XKR9: variants seen among roughly 807,000 people sequenced by gnomAD.
The protein encoded by XKR9 is XK related 9, also known as XK-related protein 9.
A neutral mutation model predicts 32.0 loss-of-function variants in XKR9; 32 were observed. That is an observed-to-expected ratio of 1.00 (90% CI 0.76 to 1.34). The LOEUF is 1.34. Among genes scored for constraint, XKR9 ranks in the 40% most tolerant of loss-of-function variants. The pLI, the probability that XKR9 is intolerant of heterozygous loss-of-function variation, is 0.00. For missense variants in XKR9, 546 were observed against 429.7 expected, an observed-to-expected ratio of 1.27 and a Z score of -2.39; for synonymous variants, 168 against 143.4, an observed-to-expected ratio of 1.17 and a Z score of -1.22.
chr8:70,974,337 C>T, the XKR9 span, among the ~76,000 whole-genome samples: 1 of 151,876 alleles, frequency 6.6e-6, no homozygotes, highest in Admixed American at 6.6e-5. Context: ...TGGTTTGCTG[C>T]ACCCATTAAC....
At chr8:70,751,168 G>A (rs573124337) in intron 2 of XKR9, among the ~76,000 whole-genome samples, 22 of 152,222 alleles carry the variant, frequency 1.4e-4, no homozygotes, top group South Asian at 1.0e-3. Context: ...TCACTCTGTC[G>A]CCCAGGCTGG....
the XKR9 span, among the ~76,000 whole-genome samples, chr8:70,816,504 C>A: frequency 1.3e-5 from 2 of 152,078 alleles, no homozygotes; most frequent in African/African-American, 4.8e-5. Context: ...TTCATCAATG[C>A]AAGATTGACT....
chr8:70,989,569 C>T, the XKR9 span, among the ~76,000 whole-genome samples: 3 of 152,274 alleles, frequency 2.0e-5, no homozygotes, highest in Non-Finnish European at 4.4e-5. Flanking sequence ...AGCTGACCCT[C>T]AGGTAGAATA....
intron 4 of XKR9, among the ~76,000 whole-genome samples, chr8:70,713,805 A>G (rs539897421): frequency 1.3e-5 from 2 of 152,306 alleles, no homozygotes; most frequent in South Asian, 4.1e-4. Context: ...AAGCAAAAAC[A>G]TTTAGAGAGA....
chr8:71,004,230 T>C, the XKR9 span, among the ~76,000 whole-genome samples: 1 of 152,096 alleles, frequency 6.6e-6, no homozygotes, highest in Non-Finnish European at 1.5e-5. Flanking sequence ...TTTTGGACAA[T>C]TTCTCTGTGA....
the XKR9 span, among the ~76,000 whole-genome samples, chr8:70,815,173 TTTTTAAC>T: frequency 1.3e-5 from 2 of 152,204 alleles, no homozygotes; most frequent in African/African-American, 4.8e-5. Flanking sequence ...ATTTTTAATT[TTTTTAAC>T]TTTTAAGTTC....
chr8:71,040,633 T>C, the XKR9 span, among the ~76,000 whole-genome samples: 1 of 152,242 alleles, frequency 6.6e-6, no homozygotes, highest in East Asian at 1.9e-4. Flanking sequence ...CGTGAGTTAG[T>C]GTGTTCTGTT....
At chr8:70,938,683 C>G in the XKR9 span, among the ~76,000 whole-genome samples, 1 of 152,036 alleles carries the variant, frequency 6.6e-6, no homozygotes, top group African/African-American at 2.4e-5. Context: ...TGGGATATGA[C>G]TAATTTTTCG....
At chr8:70,855,244 A>G in the XKR9 span, among the ~76,000 whole-genome samples, 2 of 152,124 alleles carry the variant, frequency 1.3e-5, no homozygotes, top group Non-Finnish European at 2.9e-5. Context: ...AAATTAGACG[A>G]ATGGTTAACT....
At chr8:70,929,190 T>G in the XKR9 span, among the ~76,000 whole-genome samples, 1 of 152,190 alleles carries the variant, frequency 6.6e-6, no homozygotes, top group East Asian at 1.9e-4. Context: ...GAACTTGTCA[T>G]GGTGATGGAA....
At chr8:70,793,384 T>G (rs1807789086), downstream of XKR9, among the ~76,000 whole-genome samples, 1 of 151,998 alleles carries the variant, frequency 6.6e-6, no homozygotes, top group Non-Finnish European at 1.5e-5. Flanking sequence ...AATGAGTTAT[T>G]TTGGGAATTG....
intron 2 of XKR9, among the ~76,000 whole-genome samples, chr8:70,777,974 A>C (rs1443055695): frequency 6.6e-6 from 1 of 152,096 alleles, no homozygotes; most frequent in Non-Finnish European, 1.5e-5. Context: ...CCCATTTGTC[A>C]ATGTTGGCTT....
chr8:70,848,162 C>A, the XKR9 span, among the ~76,000 whole-genome samples: 1 of 152,064 alleles, frequency 6.6e-6, no homozygotes, highest in African/African-American at 2.4e-5. Context: ...GATGGTTCAA[C>A]ATATGCAAAT....
the XKR9 span, among the ~76,000 whole-genome samples, chr8:71,054,215 G>A: frequency 6.6e-6 from 1 of 152,200 alleles, no homozygotes; most frequent in South Asian, 2.1e-4. Context: ...CTAAAACAAA[G>A]TGTCAGTGTA....
At chr8:70,728,299 G>A (rs1200869175) in intron 4 of XKR9, among the ~76,000 whole-genome samples, 1 of 152,122 alleles carries the variant, frequency 6.6e-6, no homozygotes, top group East Asian at 1.9e-4. Flanking sequence ...GATGGAAAAA[G>A]GGCGAAGACT....
At chr8:70,952,843 AGTGTG>A in the XKR9 span, among the ~76,000 whole-genome samples, 1 of 152,242 alleles carries the variant, frequency 6.6e-6, no homozygotes, top group African/African-American at 2.4e-5. Flanking sequence ...TGCTACTCAA[AGTGTG>A]GCCTGAGAAC....
At chr8:70,727,631 C>T (rs1806518532) in intron 4 of XKR9, among the ~76,000 whole-genome samples, 2 of 152,060 alleles carry the variant, frequency 1.3e-5, no homozygotes, top group Admixed American at 1.3e-4. Context: ...AACTCCTTAC[C>T]TCATGATCTG....
chr8:70,739,369 A>G (rs200877810), downstream of XKR9, among the ~76,000 whole-genome samples: 2,934 of 152,194 alleles, frequency 0.019, 39 homozygotes, highest in South Asian at 0.042. Flanking sequence ...GTCTCTGCAC[A>G]TGAGATGGGT....
At chr8:70,881,136 C>G in the XKR9 span, among the ~76,000 whole-genome samples, 5 of 152,174 alleles carry the variant, frequency 3.3e-5, no homozygotes, top group African/African-American at 1.2e-4. Flanking sequence ...GGATTAAAGA[C>G]TTAAATGTTA....
Sources: allele counts gnomAD v4.1 joint callset (sites outside exome capture counted in the v4.1 genomes callset), GRCh38; gene constraint gnomAD v4.1.1; transcripts MANE v1.5; gene names NCBI Gene and HGNC (gene_info 2026-07-23, HGNC 2026-07-21).